Variants in ZBTB7C observed in about 807,000 individuals in gnomAD.
The protein encoded by ZBTB7C is zinc finger and BTB domain-containing protein 7C.
ZBTB7C carries 8 observed loss-of-function variants against 25.7 expected under a neutral mutation model. The observed-to-expected ratio is 0.31, with a 90% CI of 0.18 to 0.56. The LOEUF is 0.56. ZBTB7C is among the 20% of genes least tolerant of loss of function. The pLI is 0.91. For missense variants in ZBTB7C, 824 were observed against 855.2 expected, an observed-to-expected ratio of 0.96 and a Z score of 0.46; for synonymous variants, 394 against 369.0, an observed-to-expected ratio of 1.07 and a Z score of -0.78.
intron 2 of ZBTB7C, among the ~76,000 whole-genome samples, chr18:48,290,095 G>A (rs1337334585): frequency 1.3e-5 from 2 of 152,310 alleles, no homozygotes; most frequent in South Asian, 2.1e-4. Flanking sequence ...TACTTTCAAA[G>A]AGATAATTAA....
chr18:48,364,943 C>T (rs9304367), intron 1 of ZBTB7C, among the ~76,000 whole-genome samples: 3,537 of 152,306 alleles, frequency 0.023, 119 homozygotes, highest in African/African-American at 0.068. Context: ...CTGGGCCCCA[C>T]TCCAAAATCT....
intron 2 of ZBTB7C, among the ~76,000 whole-genome samples, chr18:48,228,624 C>G (rs1043641091): frequency 6.6e-6 from 1 of 151,976 alleles, no homozygotes; most frequent in African/African-American, 2.4e-5. Flanking sequence ...CTGTGGTTGC[C>G]GCCCCCCTGC....
intron 3 of ZBTB7C, among the ~76,000 whole-genome samples, chr18:48,163,875 A>G (rs921002260): frequency 1.3e-5 from 2 of 152,222 alleles, no homozygotes; most frequent in African/African-American, 4.8e-5. Context: ...CACTCCAAAC[A>G]GCCCAGGAGC....
At chr18:48,184,673 C>T (rs1216044415) in intron 3 of ZBTB7C, among the ~76,000 whole-genome samples, 1 of 152,006 alleles carries the variant, frequency 6.6e-6, no homozygotes, top group Non-Finnish European at 1.5e-5. Flanking sequence ...CCTAGAGCTC[C>T]CTGCGTGAGA....
intron 3 of ZBTB7C, among the ~76,000 whole-genome samples, chr18:48,124,155 G>C (rs1384477977): frequency 6.6e-6 from 1 of 152,238 alleles, no homozygotes; most frequent in Non-Finnish European, 1.5e-5. Flanking sequence ...TTACTTTGGG[G>C]CATGGTGACC....
chr18:48,220,878 T>C (rs1184868231), intron 2 of ZBTB7C, among the ~76,000 whole-genome samples: 1 of 152,036 alleles, frequency 6.6e-6, no homozygotes, highest in Non-Finnish European at 1.5e-5. Context: ...TCCTCTACAT[T>C]GTCCCCAGAC....
intron 1 of ZBTB7C, among the ~76,000 whole-genome samples, chr18:48,349,598 C>T (rs2046818253): frequency 6.6e-6 from 1 of 152,170 alleles, no homozygotes; most frequent in African/African-American, 2.4e-5. Flanking sequence ...TGAATGATGT[C>T]CATGCTAAAC....
At chr18:48,165,345 G>T in intron 3 of ZBTB7C, 1 of 407,248 alleles carries the variant, frequency 2.5e-6, no homozygotes. Flanking sequence ...CAGAGACAAT[G>T]AGTGTCCAGT....
chr18:48,037,745 T>G (rs1184099623), intron 4 of ZBTB7C, among the ~76,000 whole-genome samples: 2 of 152,170 alleles, frequency 1.3e-5, no homozygotes, highest in Admixed American at 6.5e-5. Flanking sequence ...GAGGTGCTCC[T>G]GTTAGCCATC....
chr18:48,066,463 G>A (rs968958032), intron 3 of ZBTB7C, among the ~76,000 whole-genome samples: 7 of 152,234 alleles, frequency 4.6e-5, no homozygotes, highest in Non-Finnish European at 7.3e-5. Flanking sequence ...AGTGAGAGGC[G>A]AGTGTGCAGA....
At chr18:48,193,344 A>C (rs765466008) in intron 2 of ZBTB7C, among the ~76,000 whole-genome samples, 18 of 150,460 alleles carry the variant, frequency 1.2e-4, no homozygotes, top group South Asian at 2.1e-4. Context: ...CCCTCCTCGC[A>C]GGTCTAGAGG....
intron 2 of ZBTB7C, among the ~76,000 whole-genome samples, chr18:48,233,911 T>C (rs968980471): frequency 6.6e-6 from 1 of 152,180 alleles, no homozygotes; most frequent in African/African-American, 2.4e-5. Flanking sequence ...CAGGTGGTAA[T>C]GGCCTCTCCT....
At chr18:48,054,991 G>C (rs1043436609) in intron 3 of ZBTB7C, among the ~76,000 whole-genome samples, 5 of 152,156 alleles carry the variant, frequency 3.3e-5, no homozygotes, top group South Asian at 2.1e-4. Context: ...CCATATGCTT[G>C]ACTGGGCTTC....
chr18:48,354,394 T>C (rs1457632910), intron 1 of ZBTB7C, among the ~76,000 whole-genome samples: 2 of 152,166 alleles, frequency 1.3e-5, no homozygotes, highest in African/African-American at 2.4e-5. Flanking sequence ...TTGCTCACAA[T>C]AGTCTCCTGT....
intron 3 of ZBTB7C, among the ~76,000 whole-genome samples, chr18:48,176,919 CTT>C (rs2145066335): frequency 6.6e-6 from 1 of 152,356 alleles, no homozygotes; most frequent in African/African-American, 2.4e-5. Context: ...AGTGTGTGGC[CTT>C]GGAGAATTCA....
chr18:48,333,145 AT>A (rs2046379090), intron 2 of ZBTB7C, among the ~76,000 whole-genome samples: 1 of 152,254 alleles, frequency 6.6e-6, no homozygotes, highest in East Asian at 1.9e-4. Context: ...GTCGGGTACT[AT>A]TTTTATCAGA....
At chr18:48,393,491 T>G (rs2047950994) in intron 1 of ZBTB7C, among the ~76,000 whole-genome samples, 1 of 152,156 alleles carries the variant, frequency 6.6e-6, no homozygotes, top group Non-Finnish European at 1.5e-5. Flanking sequence ...AAGTGAATTC[T>G]ATGGCATGTA....
chr18:48,155,266 C>T (rs1344972691), intron 3 of ZBTB7C, among the ~76,000 whole-genome samples: 1 of 151,454 alleles, frequency 6.6e-6, no homozygotes, highest in Non-Finnish European at 1.5e-5. Context: ...TGGCTCTGTC[C>T]CAGATACAAG....
At chr18:48,385,048 T>A (rs2047715579) in intron 1 of ZBTB7C, among the ~76,000 whole-genome samples, 1 of 152,114 alleles carries the variant, frequency 6.6e-6, no homozygotes, top group Non-Finnish European at 1.5e-5. Flanking sequence ...AGCCAAATGA[T>A]TGGACACCCC....
Sources: gnomAD v4.1 joint callset for allele counts (sites outside exome capture counted in the v4.1 genomes callset) on GRCh38, gnomAD v4.1.1 for gene constraint, MANE v1.5 for transcripts, NCBI Gene and HGNC (gene_info 2026-07-23, HGNC 2026-07-21) for gene names.